SCN2A: variants seen among roughly 807,000 people sequenced by gnomAD.
The protein encoded by SCN2A is sodium channel protein type 2 subunit alpha.
A neutral mutation model predicts 188.7 loss-of-function variants in SCN2A; 20 were observed. That is an observed-to-expected ratio of 0.11 (90% CI 0.07 to 0.15). The LOEUF is 0.15. Ranked by LOEUF, SCN2A falls within the 10% of genes least tolerant of loss-of-function variation. SCN2A has a pLI of 1.00. For missense variants in SCN2A, 1,278 were observed against 2,445.0 expected, an observed-to-expected ratio of 0.52 and a Z score of 10.07; for synonymous variants, 804 against 833.1, an observed-to-expected ratio of 0.97 and a Z score of 0.60.
chr2:165,388,617 G>T lies in SCN2A; in HGVS notation c.4823-12G>T, dbSNP rs1187870566. ...TATAACAATATTTTTGTTATTTGTT[G>T]ATTTTCTACAGGAATGTTTCTGGCT... On this transcript the variant is annotated splice_polypyrimidine_tract_variant and intron_variant, in intron 26 of 26. Coordinates refer to ENST00000375437, the MANE Select transcript of SCN2A (RefSeq NM_001040142.2). 2.5e-6 allele frequency: 4 copies of T among 1,613,462 alleles called. No individual in the cohort carries two copies. The highest frequency in any genetic ancestry group is 3.4e-6 in the Non-Finnish European group (4 of 1,179,734).
intron 16 of SCN2A, among the ~76,000 whole-genome samples, chr2:165,345,492 A>G (rs1038900791): frequency 5.3e-5 from 8 of 150,312 alleles, no homozygotes; most frequent in African/African-American, 2.0e-4. Context: ...TCTTTTTTTA[A>G]TCTTTGTTGG....
At chr2:165,258,235 TG>T (rs1295239162) in intron 1 of SCN2A, among the ~76,000 whole-genome samples, 1 of 152,220 alleles carries the variant, frequency 6.6e-6, no homozygotes, top group African/African-American at 2.4e-5. Flanking sequence ...ATGAAACTTT[TG>T]CCAGATCCTG....
intron 1 of SCN2A, chr2:165,294,206 TG>T: frequency 1.4e-6 from 1 of 710,060 alleles, no homozygotes; most frequent in Non-Finnish European, 1.7e-6. Flanking sequence ...GTAGAATCCT[TG>T]GGGAAATCTG....
rs534363890 is a variant in SCN2A, at chr2:165,296,121, C to G, written c.267+31C>G. The G allele has an allele frequency of 8.4e-5, 134 of 1,600,778 alleles. No homozygotes were observed. In the South Asian group the frequency reaches 1.4e-3, roughly 17 times the overall value. ...TTCTTAGTCAAGTTGCCTTCACTGC[C>G]TATTTACTAATTGGTTCTGGGCTAG... On this transcript the variant is annotated intron_variant, in intron 2 of 26. Transcript: ENST00000375437.
intron 1 of SCN2A, chr2:165,270,834 C>T (rs1695072919): frequency 6.6e-6 from 1 of 152,134 alleles, no homozygotes. Context: ...ATGCTGTTAA[C>T]CTTTTATAAA....
Position 165,344,616 on chromosome 2 carries a change from G to A in SCN2A, c.2624G>A (p.Gly875Asp). ...PTLNMLIKIIGNSVGALGNLT... is the reference protein window; with the variant it reads ...PTLNMLIKIIDNSVGALGNLT... ...CTAAATATGCTAATTAAGATCATTG[G>A]CAATTCTGTGGGGGCTCTAGGAAAC... Residue 875 changes from glycine (G) to aspartate (D), a missense_variant, in exon 16 of 27, where the codon GGC (glycine) becomes GAC (aspartate). Transcript: ENST00000375437. 6.2e-7 allele frequency: 1 copy of A among 1,613,996 alleles called. No homozygotes were observed. The highest frequency in any genetic ancestry group is 8.5e-7 in the Non-Finnish European group (1 of 1,180,004).
chr2:165,374,680 G>T lies in SCN2A; in HGVS notation c.3973-5G>T. Reference sequence around the variant, plus strand: ...CACTTATTTTTCCTTCTCATCCTGTGCCAGGTTGTTGTAAATGCTCTTTTA... The same window carrying T: ...CACTTATTTTTCCTTCTCATCCTGTTCCAGGTTGTTGTAAATGCTCTTTTA... On this transcript the variant is annotated splice_region_variant and splice_polypyrimidine_tract_variant and intron_variant, in intron 21 of 26. Coordinates refer to ENST00000375437, the MANE Select transcript of SCN2A (RefSeq NM_001040142.2). 6.2e-7 allele frequency: 1 copy of T among 1,612,638 alleles called. No individual in the cohort carries two copies.
Position 165,295,832 on chromosome 2 carries a change from G to A in SCN2A, c.9G>A (p.Gln3=), listed in dbSNP as rs1435672829. Residue 3 remains glutamine, a synonymous_variant, in exon 2 of 27, where the codon CAG becomes CAA. Coordinates refer to ENST00000375437, the MANE Select transcript of SCN2A (RefSeq NM_001040142.2). MA[Q]SVLVPPGPDS... ...AGGAGCAGGATGAAAAGATGGCACAGTCAGTGCTGGTACCGCCAGGACCTG... is the reference window on the plus strand; with the variant it reads ...AGGAGCAGGATGAAAAGATGGCACAATCAGTGCTGGTACCGCCAGGACCTG... 12 of 1,614,142 alleles carry A rather than the reference G, an allele frequency of 7.4e-6. No homozygotes were observed. Among genetic ancestry groups the A allele is most frequent in the Non-Finnish European group, 1.0e-5 (12 of 1,180,030 alleles).
In SCN2A at chr2:165,354,453, A is replaced by C; in HGVS notation, c.3181A>C (p.Ile1061Leu). Residue 1061 changes from isoleucine to leucine, a missense_variant, in exon 17 of 27, where the codon ATA (isoleucine) becomes CTA (leucine). By Grantham distance (5) the Ile-to-Leu change is conservative. Around this residue, in one of 17 missense-constraint regions of SCN2A, gnomAD observed 228 missense variants for 297.3 expected, o/e 0.77. Transcript: ENST00000375437. Reference sequence around the variant, plus strand: ...TATTTCCAACCATACCACCATAGAAATAGGCAAAGACCTCAATTATCTCAA... The same window carrying C: ...TATTTCCAACCATACCACCATAGAACTAGGCAAAGACCTCAATTATCTCAA... ...SCISNHTTIEIGKDLNYLKDG... is the reference protein window; with the variant it reads ...SCISNHTTIELGKDLNYLKDG... The C allele has an allele frequency of 6.2e-7, 1 of 1,614,162 alleles. No individual in the cohort carries two copies. Among genetic ancestry groups the C allele is most frequent in the South Asian group, 1.1e-5 (1 of 91,084 alleles).
chr2:165,354,448 T>A lies in SCN2A; in HGVS notation c.3176T>A (p.Ile1059Lys). The part of the protein sequence containing the change: ...KDSCISNHTT[I>K]EIGKDLNYLK... The stretch of plus-strand genomic sequence containing the variant: ...AGCTGTATTTCCAACCATACCACCA[T>A]AGAAATAGGCAAAGACCTCAATTAT... Residue 1059 changes from isoleucine to lysine, a missense_variant, in exon 17 of 27, where the codon ATA becomes AAA. By Grantham distance (102) the Ile-to-Lys change is moderately radical. This residue lies in a region of SCN2A where 228 missense variants were observed against 297.3 expected (regional missense o/e 0.77). Transcript: ENST00000375437. 6.2e-7 allele frequency: 1 copy of A among 1,614,080 alleles called. No individual in the cohort carries two copies. Among genetic ancestry groups the A allele is most frequent in the South Asian group, 1.1e-5 (1 of 91,074 alleles).
intron 1 of SCN2A, among the ~76,000 whole-genome samples, chr2:165,277,397 T>C (rs1695395484): frequency 6.6e-6 from 1 of 152,178 alleles, no homozygotes; most frequent in African/African-American, 2.4e-5. Context: ...AAAGTGGTTC[T>C]GAGGCCACTT....
At chr2:165,258,506 A>C (rs556779221) in intron 1 of SCN2A, among the ~76,000 whole-genome samples, 8 of 152,330 alleles carry the variant, frequency 5.3e-5, no homozygotes, top group African/African-American at 1.7e-4. Flanking sequence ...TAGTTCAGCA[A>C]TTATGGAAAA....
At chr2:165,323,006 G>A (rs1376559200) in intron 11 of SCN2A, 150 bp from the exon 12 acceptor site, 4 of 722,214 alleles carry the variant, frequency 5.5e-6, no homozygotes, top group Non-Finnish European at 9.0e-6. Flanking sequence ...GCCACCAGCA[G>A]TCATCAGAGG....
At chr2:165,279,180 C>T (rs1433236908) in intron 1 of SCN2A, among the ~76,000 whole-genome samples, 3 of 152,118 alleles carry the variant, frequency 2.0e-5, no homozygotes, top group African/African-American at 4.8e-5. Context: ...TCCCATATAC[C>T]ACATTATCTA....
intron 26 of SCN2A, among the ~76,000 whole-genome samples, chr2:165,387,694 C>T (rs1005847121): frequency 6.6e-6 from 1 of 151,826 alleles, no homozygotes; most frequent in African/African-American, 2.4e-5. Flanking sequence ...AAATGAGGTA[C>T]TGGAAGTAAA....
intron 17 of SCN2A, among the ~76,000 whole-genome samples, chr2:165,360,762 A>T (rs1700420298): frequency 6.6e-6 from 1 of 151,994 alleles, no homozygotes; most frequent in Admixed American, 6.6e-5. Context: ...GAACCTAAAT[A>T]TCCAAATTAT....
chr2:165,260,213 G>A (rs1217017005), intron 1 of SCN2A, among the ~76,000 whole-genome samples: 2 of 152,062 alleles, frequency 1.3e-5, no homozygotes, highest in African/African-American at 2.4e-5. Context: ...AAAGTGCTAG[G>A]ATTATAGGCG....
chr2:165,307,792 A>G, intron 3 of SCN2A, 56 bp from the exon 4 acceptor site: 2 of 1,058,170 alleles, frequency 1.9e-6, no homozygotes, highest in Non-Finnish European at 3.0e-6. Context: ...AAGGCATGGT[A>G]GTGCATAAAA....
rs1553574575 is a variant in SCN2A at position 165,331,405 on chromosome 2, G to T, written c.2225G>T (p.Cys742Phe). Residue 742 changes from cysteine to phenylalanine, a missense_variant, in exon 14 of 27, where the codon TGT becomes TTT. Transcript: ENST00000375437. ...AATATGTGTTTGATTTGGGACTGTT[G>T]TAAACCATGGTTAAAGGTGAAACAC... Reference protein sequence around the residue: ...FANMCLIWDCCKPWLKVKHLV... With the variant: ...FANMCLIWDCFKPWLKVKHLV... The T allele has an allele frequency of 6.2e-7, 1 of 1,613,796 alleles. No individual in the cohort carries two copies. Among genetic ancestry groups the T allele is most frequent in the African/African-American group, 1.3e-5 (1 of 75,016 alleles).
Sources: gnomAD v4.1 joint callset for allele counts (sites outside exome capture counted in the v4.1 genomes callset) on GRCh38, gnomAD v4.1.1 for gene constraint, gnomAD v4.1.1 regional missense constraint, MANE v1.5 for transcripts, NCBI Gene and HGNC (gene_info 2026-07-23, HGNC 2026-07-21) for gene names.